The following CACNA1D variants were observed in gnomAD, a reference collection of about 807,000 sequenced individuals.
CACNA1D encodes the protein voltage-dependent L-type calcium channel subunit alpha-1D.
Under a neutral mutation model 257.1 loss-of-function variants are expected in CACNA1D, and 55 were observed. That is an observed-to-expected ratio of 0.21 (90% CI 0.17 to 0.27). CACNA1D has a LOEUF of 0.27. Ranked by LOEUF, CACNA1D falls within the 10% of genes least tolerant of loss-of-function variation. The pLI is 1.00. For synonymous variants in CACNA1D, 980 were observed against 1,014.9 expected (o/e 0.97, Z 0.65); for missense variants, 1,876 against 2,784.0 (o/e 0.67, Z 7.34).
chr3:53,507,503 A>T (rs2090908065), intron 3 of CACNA1D, among the ~76,000 whole-genome samples: 1 of 151,982 alleles, frequency 6.6e-6, no homozygotes, highest in African/African-American at 2.4e-5. Context: ...CTGTGGTCCC[A>T]GCTACTCAGG....
At chr3:53,623,455 T>C (rs1478887682) in intron 3 of CACNA1D, among the ~76,000 whole-genome samples, 1 of 152,228 alleles carries the variant, frequency 6.6e-6, no homozygotes, top group East Asian at 1.9e-4. Context: ...AAATCCTAGT[T>C]GCACAATTTA....
chr3:53,782,942 A>G (rs2095433906), intron 39 of CACNA1D: 1 of 152,142 alleles, frequency 6.6e-6, no homozygotes, highest in Non-Finnish European at 1.5e-5. Context: ...AAATTGTAAC[A>G]ATGTGCTTGA....
rs1033082162 is a variant in CACNA1D at position 53,747,462 on chromosome 3, GCA to G, written c.3314+19_3314+20del. On this transcript the variant is annotated intron_variant, in intron 26 of 47. Coordinates refer to ENST00000350061, the MANE Select transcript of CACNA1D (RefSeq NM_001128840.3). Reference sequence around the variant, plus strand: ...GGGCTGGCCTGCGTAAGTACAGGGAGCACACAGTCTTCTGGAGAGGCACCTGC... The same window carrying G: ...GGGCTGGCCTGCGTAAGTACAGGGAGCACAGTCTTCTGGAGAGGCACCTGC... The G allele has an allele frequency of 1.2e-6, 2 of 1,613,824 alleles. No homozygotes were observed. Among genetic ancestry groups the G allele is most frequent in the African/African-American group, 1.3e-5 (1 of 74,954 alleles).
chr3:53,760,998 G>A (rs909834037), intron 29 of CACNA1D, among the ~76,000 whole-genome samples: 7 of 152,202 alleles, frequency 4.6e-5, no homozygotes, highest in South Asian at 2.1e-4. Flanking sequence ...GAGATTCAGC[G>A]TCAGCCTGAG....
intron 3 of CACNA1D, among the ~76,000 whole-genome samples, chr3:53,622,996 A>G (rs2093714676): frequency 6.6e-6 from 1 of 151,468 alleles, no homozygotes; most frequent in Non-Finnish European, 1.5e-5. Flanking sequence ...GGTTCAAGCC[A>G]TTCTCCTGCC....
intron 3 of CACNA1D, among the ~76,000 whole-genome samples, chr3:53,625,360 C>T (rs2093745182): frequency 6.6e-6 from 1 of 152,128 alleles, no homozygotes; most frequent in African/African-American, 2.4e-5. Context: ...ACTGTGTCTC[C>T]CACACCTTCT....
chr3:53,772,500 C>G (rs142504965), intron 32 of CACNA1D, among the ~76,000 whole-genome samples: 1 of 152,322 alleles, frequency 6.6e-6, no homozygotes, highest in African/African-American at 2.4e-5. Context: ...ATTATAATTT[C>G]ACCCCAAAAA....
At chr3:53,776,124 C>G in intron 35 of CACNA1D, 79 bp downstream of exon 35, 3 of 1,303,396 alleles carry the variant, frequency 2.3e-6, no homozygotes, top group Middle Eastern at 1.8e-4. Flanking sequence ...TGGCCTTGCC[C>G]TGTCCCATCG....
chr3:53,727,017 C>T lies in CACNA1D; in HGVS notation c.2221+18C>T, dbSNP rs1576474257. The T allele has an allele frequency of 1.2e-6, 2 of 1,613,970 alleles. No homozygotes were observed. On this transcript the variant is annotated intron_variant, in intron 15 of 47. Transcript: ENST00000350061. ...TGGTAACTGTATCCTTCAAGCCGACCAGGCTTTGTTGTTGCCGTCGTTATC... is the reference window on the plus strand; with the variant it reads ...TGGTAACTGTATCCTTCAAGCCGACTAGGCTTTGTTGTTGCCGTCGTTATC...
chr3:53,673,581 A>C lies in CACNA1D; in HGVS notation c.1220+455A>C. ...TTTGCAGAAAAAAAAAAAAAAAGGG[A>C]AGGACCTAGGCCCAGTCCCTGTCCT... On this transcript the variant is annotated intron_variant, in intron 8 of 47. Transcript: ENST00000350061. This position sits in a 1 kb window ranked among gnomAD's most constrained non-coding sequence, Gnocchi z 4.1. The C allele has an allele frequency of 1.5e-6, 1 of 684,944 alleles. No homozygotes were observed. The highest frequency in any genetic ancestry group is 1.6e-5 in the South Asian group (1 of 60,802). The allele number at this position is 684,944 out of a possible 1,614,324, so 42.4% of individuals were successfully genotyped here. A position where few individuals can be genotyped will look rare whatever the true frequency, so the allele number is the denominator to read the frequency against.
At position 53,812,608 on chromosome 3, in the gene CACNA1D, T is replaced by C. The variant is rs1018607225; in HGVS notation, c.*1202T>C. 1 of 151,674 alleles carries C rather than the reference T, an allele frequency of 6.6e-6. No individual in the cohort carries two copies. The highest frequency in any genetic ancestry group is 1.5e-5 in the Non-Finnish European group (1 of 67,906). The allele number at this position is 151,674 out of a possible 1,614,324, so 9.4% of individuals were successfully genotyped here. On this transcript the variant is annotated 3_prime_UTR_variant, in exon 48 of 48. Transcript: ENST00000350061. ...ACCCTCTGGTAAGTAAGTAAGTGAA[T>C]TACAGAGCAGGTCCAGCTGGCTGCT...
In CACNA1D at chr3:53,774,799, TTTTG is replaced by T; in HGVS notation, c.4202+125_4202+128del. The T allele has an allele frequency of 1.5e-6, 1 of 670,224 alleles. No individual in the cohort carries two copies. The highest frequency in any genetic ancestry group is 1.8e-5 in the African/African-American group (1 of 56,238). 41.5% of individuals were successfully genotyped at this position (670,224 alleles called of 1,614,324 possible). ...CCTTTCTCAGTTGATTGTGATGGCT[TTTTG>T]TTTTTGTTTGTTCTGTATTCTTAAA... is the stretch of plus-strand genomic sequence containing the variant. On this transcript the variant is annotated intron_variant, in intron 34 of 47. Transcript: ENST00000350061. The surrounding 1 kb of genome is among the most constrained non-coding windows in gnomAD (Gnocchi z 4.3).
Position 53,665,745 on chromosome 3 carries a change from C to T in CACNA1D, c.852C>T (p.Ile284=). Reference sequence around the variant, plus strand: ...TTTTGGTATTATTTGTAATCATAATCTATGCTATTATAGGATTGGAACTTT... The same window carrying T: ...TTTTGGTATTATTTGTAATCATAATTTATGCTATTATAGGATTGGAACTTT... The part of the protein sequence containing the change: ...IALLVLFVII[I]YAIIGLELFI... The change falls in exon 6 of 48, where the codon ATC becomes ATT. Residue 284 remains isoleucine, a synonymous_variant. Transcript: ENST00000350061. The T allele has an allele frequency of 6.2e-7, 1 of 1,606,916 alleles. No individual in the cohort carries two copies. Among genetic ancestry groups the T allele is most frequent in the South Asian group, 1.1e-5 (1 of 90,854 alleles).
intron 14 of CACNA1D, 144 bp from the exon 15 acceptor site, chr3:53,726,735 A>T: frequency 1.1e-6 from 1 of 891,316 alleles, no homozygotes; most frequent in South Asian, 1.4e-5. Context: ...TAGAAATTCC[A>T]TGGGATAACA....
intron 40 of CACNA1D, among the ~76,000 whole-genome samples, chr3:53,798,931 G>A (rs1027107307): frequency 6.6e-6 from 1 of 152,200 alleles, no homozygotes; most frequent in African/African-American, 2.4e-5. Flanking sequence ...ATGCCTATCT[G>A]TCCTTGCCAC....
At chr3:53,522,631 G>T (rs3774424) in intron 3 of CACNA1D, among the ~76,000 whole-genome samples, 29,603 of 152,154 alleles carry the variant, frequency 0.19, 3,245 homozygotes, top group Non-Finnish European at 0.26. Context: ...AGATGTTGAA[G>T]AATTTTTTAT....
intron 40 of CACNA1D, chr3:53,791,039 C>T (rs974563067): frequency 3.3e-5 from 23 of 702,034 alleles, no homozygotes; most frequent in African/African-American, 1.6e-4. Context: ...GCTGGTTAGT[C>T]GGAAGGCGTT....
At chr3:53,555,636 T>G (rs2092630841) in intron 3 of CACNA1D, among the ~76,000 whole-genome samples, 1 of 151,958 alleles carries the variant, frequency 6.6e-6, no homozygotes. Flanking sequence ...TCAATCATGG[T>G]CCATTTCTCA....
intron 9 of CACNA1D, among the ~76,000 whole-genome samples, chr3:53,715,488 G>C (rs530066588): frequency 6.6e-6 from 1 of 152,168 alleles, no homozygotes; most frequent in South Asian, 2.1e-4. Context: ...AGTGGCCAGG[G>C]CAAAATGACA....
Sources: gnomAD v4.1 joint callset for allele counts (sites outside exome capture counted in the v4.1 genomes callset) on GRCh38, gnomAD v4.1.1 for gene constraint, Gnocchi (gnomAD v3.1) non-coding constraint, MANE v1.5 for transcripts, NCBI Gene and HGNC (gene_info 2026-07-23, HGNC 2026-07-21) for gene names.